RADIL: variants seen among roughly 807,000 people sequenced by gnomAD.
RADIL encodes ras-associating and dilute domain-containing protein.
RADIL carries 99 observed loss-of-function variants against 97.6 expected under a neutral mutation model. The observed-to-expected ratio is 1.01, with a 90% CI of 0.86 to 1.20. The LOEUF (loss-of-function observed/expected upper bound fraction) is 1.20. Ranked by LOEUF, RADIL falls within the 50% of genes most tolerant of loss-of-function variation. RADIL has a pLI of 0.00. For synonymous variants in RADIL, 803 were observed against 691.8 expected (o/e 1.16, Z -2.52); for missense variants, 1,765 against 1,498.9 (o/e 1.18, Z -2.93).
rs901985789 is a variant in RADIL, at chr7:4,867,624, A to C, written c.535+9981T>G. On this transcript the variant is annotated intron_variant, in intron 2 of 14. Transcript: ENST00000399583. This position sits in a 1 kb window ranked among gnomAD's most constrained non-coding sequence, Gnocchi z 4.1. ...GTGAGGCCCTGTCTCTATTTTTAAA[A>C]TAAATAAGTAAATAAATAAATAAAT... 6.7e-6 allele frequency among the ~76,000 whole-genome samples: 1 copy of C among 148,762 alleles called. No homozygotes were observed. Among genetic ancestry groups the C allele is most frequent in the Admixed American group, 6.6e-5 (1 of 15,192 alleles).
intron 2 of RADIL, chr7:4,838,194 G>T: frequency 7.2e-6 from 2 of 278,516 alleles, no homozygotes; most frequent in Non-Finnish European, 1.1e-5. Context: ...TGCCCAGCAG[G>T]TGGGGCCCAG....
chr7:4,868,569 C>G (rs1332785008), intron 2 of RADIL, among the ~76,000 whole-genome samples: 1 of 152,208 alleles, frequency 6.6e-6, no homozygotes, highest in Non-Finnish European at 1.5e-5. Flanking sequence ...GCCACGCTTG[C>G]TTCACCTTCC....
intron 2 of RADIL, chr7:4,838,200 C>A (rs1223186768): frequency 8.2e-6 from 2 of 245,108 alleles, no homozygotes; most frequent in Non-Finnish European, 1.3e-5. Context: ...GCAGGTGGGG[C>A]CCAGTTCCCC....
rs369606929 is a variant in RADIL at position 4,873,212 on chromosome 7, C to T, written c.535+4393G>A. Among the ~76,000 whole-genome samples the T allele has an allele frequency of 6.6e-6, 1 of 152,128 alleles. No individual in the cohort carries two copies. On this transcript the variant is annotated intron_variant, in intron 2 of 14. Coordinates refer to ENST00000399583, the MANE Select transcript of RADIL (RefSeq NM_018059.5). This position sits in a 1 kb window ranked among gnomAD's most constrained non-coding sequence, Gnocchi z 4.3. ...CCTCCCAAAGTGCTGGGATTACACG[C>T]GTGAGCCACCGCGCCCGGCCAAGTG...
chr7:4,815,493 T>C lies in RADIL; in HGVS notation c.1967-43A>G, dbSNP rs2115186795. 2.8e-6 allele frequency: 4 copies of C among 1,453,452 alleles called. No homozygotes were observed. Among genetic ancestry groups the C allele is most frequent in the Non-Finnish European group, 3.6e-6 (4 of 1,097,578 alleles). The allele number at this position is 1,453,452 out of a possible 1,614,324, so 90.0% of individuals were successfully genotyped here. ...GAGGGTGATGCCTGGGCTGCCCTCC[T>C]GGGGGGACACAGACATGGGCCTGTC... On this transcript the variant is annotated intron_variant, in intron 8 of 14. Coordinates refer to ENST00000399583, the MANE Select transcript of RADIL (RefSeq NM_018059.5). This position sits in a 1 kb window ranked among gnomAD's most constrained non-coding sequence, Gnocchi z 8.0.
At chr7:4,850,195 A>C (rs2115019850) in intron 2 of RADIL, among the ~76,000 whole-genome samples, 1 of 144,806 alleles carries the variant, frequency 6.9e-6, no homozygotes, top group Non-Finnish European at 1.5e-5. Context: ...CCTTTTACCC[A>C]CACTACACAG....
rs1782712118 is a variant in RADIL, at chr7:4,817,615, C to T, written c.1616-264G>A. Among the ~76,000 whole-genome samples, 1 of 152,112 alleles carries T rather than the reference C, an allele frequency of 6.6e-6. No homozygotes were observed. The highest frequency in any genetic ancestry group is 1.9e-4 in the East Asian group (1 of 5,166). On this transcript the variant is annotated intron_variant, in intron 6 of 14. Transcript: ENST00000399583. This position sits in a 1 kb window ranked among gnomAD's most constrained non-coding sequence, Gnocchi z 8.3. ...CAACATCTCAATGCCCAGCCCAGCCCAGCCCAAGCGCTCATTCACTCCCAC... is the reference window on the plus strand; with the variant it reads ...CAACATCTCAATGCCCAGCCCAGCCTAGCCCAAGCGCTCATTCACTCCCAC...
Position 4,831,200 on chromosome 7 carries a change from A to G in RADIL, c.1454+941T>C, listed in dbSNP as rs1175957250. ...GAGCGAAACCCCATCTCAAAAAAAG[A>G]AAAAAAAAAAAAAGCACGAGATCAT... On this transcript the variant is annotated intron_variant, in intron 5 of 14. Coordinates refer to ENST00000399583, the MANE Select transcript of RADIL (RefSeq NM_018059.5). 6.8e-5 allele frequency among the ~76,000 whole-genome samples: 7 copies of G among 103,340 alleles called. No homozygotes were observed. The Admixed American group carries it at 7.5e-4, about 11-fold the overall frequency. 67.8% of individuals were successfully genotyped at this position (103,340 alleles called of 152,430 possible). A position where few individuals can be genotyped will look rare whatever the true frequency, so the allele number is the denominator to read the frequency against.
At chr7:4,805,348 C>A in intron 10 of RADIL, 1 of 489,186 alleles carries the variant, frequency 2.0e-6, no homozygotes, top group Non-Finnish European at 3.4e-6. Context: ...CATGGACTCT[C>A]GGCTCCTTGA....
At chr7:4,820,305 C>T (rs1243016555) in intron 6 of RADIL, among the ~76,000 whole-genome samples, 4 of 152,214 alleles carry the variant, frequency 2.6e-5, no homozygotes, top group Non-Finnish European at 4.4e-5. Context: ...GCTGTAGTCC[C>T]GGGAGCCCAG....
Position 4,837,085 on chromosome 7 carries a change from C to A in RADIL, c.536-480G>T, listed in dbSNP as rs1442773206. Among the ~76,000 whole-genome samples, 1 of 152,196 alleles carries A rather than the reference C, an allele frequency of 6.6e-6. No individual in the cohort carries two copies. The highest frequency in any genetic ancestry group is 2.1e-4 in the South Asian group (1 of 4,836). On this transcript the variant is annotated intron_variant, in intron 2 of 14. Coordinates refer to ENST00000399583, the MANE Select transcript of RADIL (RefSeq NM_018059.5). This position sits in a 1 kb window ranked among gnomAD's most constrained non-coding sequence, Gnocchi z 5.6. Reference sequence around the variant, plus strand: ...TCAAGGACTCTGCCCTCTAGCCACGCCCCTCGAAAAACCAGACAGTGCCTT... The same window carrying A: ...TCAAGGACTCTGCCCTCTAGCCACGACCCTCGAAAAACCAGACAGTGCCTT...
chr7:4,829,986 G>T (rs1417815002), intron 5 of RADIL, among the ~76,000 whole-genome samples: 2 of 152,162 alleles, frequency 1.3e-5, no homozygotes, highest in African/African-American at 4.8e-5. Context: ...ACTTAAGGGG[G>T]TGCTGCCAGC....
At position 4,881,101 on chromosome 7, in the gene RADIL, T is replaced by TA. The variant is rs58900044; in HGVS notation, c.-65+2494dup. ...GGCAATGGAGTGAGACCCTCTCTGT[T>TA]AAAAAAAAAAAAAAAAAAAAAAAAA... On this transcript the variant is annotated intron_variant, in intron 1 of 14. Transcript: ENST00000399583. Among the ~76,000 whole-genome samples the TA allele has an allele frequency of 5.6e-3, 311 of 55,218 alleles. 3 individuals carry two copies. Among genetic ancestry groups the TA allele is most frequent in the African/African-American group, 9.5e-3 (155 of 16,382 alleles). The allele number at this position is 55,218 out of a possible 152,430, so 36.2% of individuals were successfully genotyped here. A position where few individuals can be genotyped will look rare whatever the true frequency, so the allele number is the denominator to read the frequency against.
rs575330702 is a variant in RADIL at position 4,817,496 on chromosome 7, A to C, written c.1616-145T>G. 18 of 650,906 alleles carry C rather than the reference A, an allele frequency of 2.8e-5. No individual in the cohort carries two copies. The highest frequency in any genetic ancestry group is 2.4e-4 in the African/African-American group (13 of 54,476). 40.3% of individuals were successfully genotyped at this position (650,906 alleles called of 1,614,324 possible). On this transcript the variant is annotated intron_variant, in intron 6 of 14. Transcript: ENST00000399583. The surrounding 1 kb of genome is among the most constrained non-coding windows in gnomAD (Gnocchi z 8.3). ...CCAGATGCGATAAACTGGCCGAGGG[A>C]CTCTGGGCCCTGGCTGGGACGAGCG... is the stretch of plus-strand genomic sequence containing the variant.
chr7:4,841,631 A>T (rs2115010143), intron 2 of RADIL, among the ~76,000 whole-genome samples: 1 of 152,316 alleles, frequency 6.6e-6, no homozygotes, highest in African/African-American at 2.4e-5. Flanking sequence ...GCCCAGGAAT[A>T]AGGCGGGGTC....
Position 4,873,932 on chromosome 7 carries a change from G to A in RADIL, c.535+3673C>T, listed in dbSNP as rs960687706. ...AAGCTGCTACAGTGAAAAACCCCTC[G>A]GCTTCCCACCTCCTCCCCTTCTCTG... On this transcript the variant is annotated intron_variant, in intron 2 of 14. Coordinates refer to ENST00000399583, the MANE Select transcript of RADIL (RefSeq NM_018059.5). The surrounding 1 kb of genome is among the most constrained non-coding windows in gnomAD (Gnocchi z 4.3). Among the ~76,000 whole-genome samples the A allele has an allele frequency of 3.3e-5, 5 of 152,202 alleles. No individual in the cohort carries two copies. Among genetic ancestry groups the A allele is most frequent in the East Asian group, 1.9e-4 (1 of 5,186 alleles).
At position 4,819,728 on chromosome 7, in the gene RADIL, T is replaced by C. The variant is rs1454715838; in HGVS notation, c.1616-2377A>G. 6.6e-6 allele frequency among the ~76,000 whole-genome samples: 1 copy of C among 151,914 alleles called. No homozygotes were observed. The highest frequency in any genetic ancestry group is 1.5e-5 in the Non-Finnish European group (1 of 67,994). ...TCCCACAGACATTTCCTGCAGAGGG[T>C]CGGGAGGCTGACGGGGCTCTGCCCC... On this transcript the variant is annotated intron_variant, in intron 6 of 14. Coordinates refer to ENST00000399583, the MANE Select transcript of RADIL (RefSeq NM_018059.5). The surrounding 1 kb of genome is among the most constrained non-coding windows in gnomAD (Gnocchi z 5.8).
At chr7:4,856,648 G>A (rs975200445) in intron 2 of RADIL, among the ~76,000 whole-genome samples, 2 of 152,116 alleles carry the variant, frequency 1.3e-5, no homozygotes, top group African/African-American at 4.8e-5. Context: ...CTAACTTACT[G>A]TTCTGTGGTG....
Position 4,822,784 on chromosome 7 carries a change from GGC to G in RADIL, c.1455-232_1455-231del, listed in dbSNP as rs944679362. Among the ~76,000 whole-genome samples the G allele has an allele frequency of 6.6e-6, 1 of 152,138 alleles. No individual in the cohort carries two copies. Among genetic ancestry groups the G allele is most frequent in the African/African-American group, 2.4e-5 (1 of 41,428 alleles). On this transcript the variant is annotated intron_variant, in intron 5 of 14. Transcript: ENST00000399583. The surrounding 1 kb of genome is among the most constrained non-coding windows in gnomAD (Gnocchi z 5.3). ...TACAAACCTAGCAGGAAGACAGCTGGGCGCCACAGCCATTGGTAAAAAACCTC... is the reference window on the plus strand; with the variant it reads ...TACAAACCTAGCAGGAAGACAGCTGGGCCACAGCCATTGGTAAAAAACCTC...
Sources: allele counts gnomAD v4.1 joint callset (sites outside exome capture counted in the v4.1 genomes callset), GRCh38; gene constraint gnomAD v4.1.1; non-coding constraint Gnocchi (gnomAD v3.1); transcripts MANE v1.5; gene names NCBI Gene and HGNC (gene_info 2026-07-23, HGNC 2026-07-21).